The following TTC7B variants were observed in gnomAD, a reference collection of about 807,000 sequenced individuals.
TTC7B encodes the protein tetratricopeptide repeat domain 7B.
TTC7B carries 28 observed loss-of-function variants against 106.8 expected under a neutral mutation model. The ratio of observed to expected loss-of-function variants is 0.26; its 90% CI spans 0.19 to 0.36. TTC7B has a LOEUF of 0.36. TTC7B is among the 10% of genes least tolerant of loss of function. The probability of loss-of-function intolerance (pLI) is 1.00; values close to 1 mark genes in which losing one functional copy is unlikely to be tolerated. For missense variants in TTC7B, 862 were observed against 1,076.4 expected, an observed-to-expected ratio of 0.80 and a Z score of 2.79; for synonymous variants, 405 against 430.6, an observed-to-expected ratio of 0.94 and a Z score of 0.74.
chr14:90,604,492 GCCCTGGCT>G (rs1439007167), intron 17 of TTC7B, among the ~76,000 whole-genome samples: 1 of 152,116 alleles, frequency 6.6e-6, no homozygotes, highest in East Asian at 1.9e-4. Flanking sequence ...TCTAGTTTCT[GCCCTGGCT>G]TTGTGTGTGT....
intron 4 of TTC7B, among the ~76,000 whole-genome samples, chr14:90,739,946 C>T (rs548571069): frequency 1.3e-5 from 2 of 152,302 alleles, no homozygotes; most frequent in East Asian, 1.9e-4. Context: ...GGCACAATGC[C>T]GTCATCTGAA....
chr14:90,635,192 A>C lies in TTC7B; in HGVS notation c.1751+8856T>G, dbSNP rs74902065. Among the ~76,000 whole-genome samples the C allele has an allele frequency of 1.2e-3, 177 of 152,176 alleles. 5 individuals carry two copies. In the East Asian group the frequency reaches 0.026, roughly 22 times the overall value. On this transcript the variant is annotated intron_variant, in intron 15 of 19. Coordinates refer to ENST00000328459, the MANE Select transcript of TTC7B (RefSeq NM_001010854.2). ...ATACAGTCTAAGAAAGTCTGCCAGC[A>C]ATAGACCCTCACTAAAATTTCTTGG...
chr14:90,743,330 C>T (rs1210093408), intron 4 of TTC7B, among the ~76,000 whole-genome samples: 1 of 152,152 alleles, frequency 6.6e-6, no homozygotes, highest in African/African-American at 2.4e-5. Flanking sequence ...AATTCTGATG[C>T]ATATCATATG....
Position 90,526,169 on chromosome 14 carries a change from C to T in TTC7B, c.*15199G>A, listed in dbSNP as rs1345608023. 8 of 152,144 alleles carry T rather than the reference C, an allele frequency of 5.3e-5. No homozygotes were observed. In the East Asian group the frequency reaches 1.2e-3, roughly 22 times the overall value. 9.4% of individuals were successfully genotyped at this position (152,144 alleles called of 1,614,324 possible). A position where few individuals can be genotyped will look rare whatever the true frequency, so the allele number is the denominator to read the frequency against. On this transcript the variant is annotated 3_prime_UTR_variant, in exon 20 of 20. Coordinates refer to ENST00000328459, the MANE Select transcript of TTC7B (RefSeq NM_001010854.2). ...AACAACGTATGAGGGTTCCAATTTC[C>T]CCACGTCCTCACAAACATTTGTTAT...
intron 18 of TTC7B, 23 bp downstream of exon 18, chr14:90,593,463 G>A: frequency 6.4e-7 from 1 of 1,560,904 alleles, no homozygotes; most frequent in Non-Finnish European, 8.7e-7. Context: ...ACAGCAGCGG[G>A]TTGTGGGTGA....
chr14:90,635,759 CAAA>C (rs34829977), intron 15 of TTC7B, among the ~76,000 whole-genome samples: 186 of 110,492 alleles, frequency 1.7e-3, no homozygotes, highest in African/African-American at 4.5e-3. Flanking sequence ...GACTCTGTCT[CAAA>C]AAAAAAAAAA....
chr14:90,695,466 T>C, intron 6 of TTC7B, 34 bp downstream of exon 6: 1 of 1,372,896 alleles, frequency 7.3e-7, no homozygotes, highest in East Asian at 2.5e-5. Context: ...ACAAGTGCCC[T>C]GCTGGCCTCA....
At position 90,577,759 on chromosome 14, in the gene TTC7B, A is replaced by G. The variant is rs747569235; in HGVS notation, c.2310+347T>C. Among the ~76,000 whole-genome samples, 2 of 152,234 alleles carry G rather than the reference A, an allele frequency of 1.3e-5. No homozygotes were observed. Among genetic ancestry groups the G allele is most frequent in the Non-Finnish European group, 2.9e-5 (2 of 68,038 alleles). ...GAAACCCCCGAAGGTGGCTACTGCAAGCAGCACAGAGGCTGAGATGACAGT... is the reference window on the plus strand; with the variant it reads ...GAAACCCCCGAAGGTGGCTACTGCAGGCAGCACAGAGGCTGAGATGACAGT... On this transcript the variant is annotated intron_variant, in intron 19 of 19. Coordinates refer to ENST00000328459, the MANE Select transcript of TTC7B (RefSeq NM_001010854.2). The surrounding 1 kb of genome is among the most constrained non-coding windows in gnomAD (Gnocchi z 5.0).
intron 3 of TTC7B, among the ~76,000 whole-genome samples, chr14:90,771,434 A>G (rs189109655): frequency 6.4e-4 from 98 of 152,254 alleles, no homozygotes; most frequent in African/African-American, 2.3e-3. Flanking sequence ...TCTCTACAAA[A>G]AATACAAAAA....
intron 1 of TTC7B, among the ~76,000 whole-genome samples, chr14:90,790,691 A>T (rs1055916979): frequency 6.6e-6 from 1 of 151,958 alleles, no homozygotes; most frequent in Non-Finnish European, 1.5e-5. Context: ...ACAACGGGAG[A>T]TCAGGACCCC....
intron 13 of TTC7B, among the ~76,000 whole-genome samples, chr14:90,649,247 T>C (rs1566817529): frequency 6.6e-6 from 1 of 152,236 alleles, no homozygotes; most frequent in African/African-American, 2.4e-5. Context: ...AAACCTTATT[T>C]CTACAACTTG....
chr14:90,631,537 A>C (rs749027829), intron 15 of TTC7B, among the ~76,000 whole-genome samples: 2 of 151,446 alleles, frequency 1.3e-5, no homozygotes, highest in Non-Finnish European at 2.9e-5. Context: ...GCCACCCGAG[A>C]AGCTGAGACT....
chr14:90,673,943 T>C (rs1218326250), intron 9 of TTC7B, among the ~76,000 whole-genome samples: 1 of 151,940 alleles, frequency 6.6e-6, no homozygotes, highest in African/African-American at 2.4e-5. Context: ...GAGTGAGGAA[T>C]GGAGAGTGGC....
intron 3 of TTC7B, among the ~76,000 whole-genome samples, chr14:90,763,421 GT>G (rs1730510946): frequency 6.6e-6 from 1 of 152,156 alleles, no homozygotes; most frequent in Non-Finnish European, 1.5e-5. Flanking sequence ...TAACATCTTA[GT>G]GGTGAAAAAC....
intron 3 of TTC7B, among the ~76,000 whole-genome samples, chr14:90,768,836 T>C (rs1396434101): frequency 6.6e-6 from 1 of 152,244 alleles, no homozygotes; most frequent in Non-Finnish European, 1.5e-5. Context: ...AGTTTGTAAC[T>C]CCACTTTTTA....
chr14:90,776,590 C>T (rs775777527), intron 3 of TTC7B, among the ~76,000 whole-genome samples: 3 of 152,122 alleles, frequency 2.0e-5, no homozygotes, highest in African/African-American at 4.8e-5. Flanking sequence ...GGAGGAAACC[C>T]GGCAAAGGTG....
intron 19 of TTC7B, among the ~76,000 whole-genome samples, chr14:90,547,204 G>A (rs1889874504): frequency 6.6e-6 from 1 of 152,230 alleles, no homozygotes; most frequent in African/African-American, 2.4e-5. Flanking sequence ...TCATAATCAG[G>A]TGTTTTGTAC....
intron 3 of TTC7B, among the ~76,000 whole-genome samples, chr14:90,758,568 G>A (rs1034362898): frequency 6.6e-6 from 1 of 152,230 alleles, no homozygotes; most frequent in Non-Finnish European, 1.5e-5. Context: ...GCTAGAACGC[G>A]GCTCCCGCGA....
intron 3 of TTC7B, among the ~76,000 whole-genome samples, chr14:90,752,416 C>T (rs945018924): frequency 2.0e-5 from 3 of 152,200 alleles, no homozygotes; most frequent in African/African-American, 4.8e-5. Flanking sequence ...GAGCTATTTT[C>T]TCTCCCCAAG....
Sources: allele counts gnomAD v4.1 joint callset (sites outside exome capture counted in the v4.1 genomes callset), GRCh38; gene constraint gnomAD v4.1.1; non-coding constraint Gnocchi (gnomAD v3.1); transcripts MANE v1.5; gene names NCBI Gene and HGNC (gene_info 2026-07-23, HGNC 2026-07-21).